GPR158: variants seen among roughly 807,000 people sequenced by gnomAD.
GPR158 encodes metabotropic glycine receptor.
A neutral mutation model predicts 78.2 loss-of-function variants in GPR158; 30 were observed. The observed-to-expected ratio is 0.38, with a 90% confidence interval of 0.29 to 0.52. The LOEUF is 0.52. GPR158 is among the 20% of genes least tolerant of loss of function. The pLI is 0.83. For missense variants in GPR158, 1,463 were observed against 1,523.5 expected, an observed-to-expected ratio of 0.96 and a Z score of 0.66; for synonymous variants, 581 against 591.1, an observed-to-expected ratio of 0.98 and a Z score of 0.25.
At chr10:25,281,630 T>C (rs551367442) in intron 2 of GPR158, among the ~76,000 whole-genome samples, 24 of 150,552 alleles carry the variant, frequency 1.6e-4, no homozygotes, top group African/African-American at 5.7e-4. Flanking sequence ...TATCAAAAAT[T>C]TGGGATGTAA....
intron 2 of GPR158, among the ~76,000 whole-genome samples, chr10:25,386,794 T>C (rs1302048121): frequency 6.6e-6 from 1 of 152,168 alleles, no homozygotes; most frequent in Non-Finnish European, 1.5e-5. Context: ...AAACAACCAA[T>C]TTTGGCATGT....
intron 4 of GPR158, among the ~76,000 whole-genome samples, chr10:25,413,800 T>A (rs1834625245): frequency 6.6e-6 from 1 of 152,200 alleles, no homozygotes; most frequent in African/African-American, 2.4e-5. Context: ...ACAGTTTCAT[T>A]AGCAGAAGAA....
At chr10:25,400,344 C>T (rs1270329493) in intron 3 of GPR158, among the ~76,000 whole-genome samples, 3 of 152,134 alleles carry the variant, frequency 2.0e-5, no homozygotes, top group East Asian at 3.9e-4. Context: ...GGAGCTAAGA[C>T]GTGGTGCTGA....
chr10:25,455,428 C>T (rs148607895), intron 4 of GPR158, among the ~76,000 whole-genome samples: 1,761 of 152,038 alleles, frequency 0.012, 38 homozygotes, highest in African/African-American at 0.041. Context: ...ATAACATTGC[C>T]TTAATTTTTC....
At chr10:25,179,146 T>C (rs1400870139) in intron 1 of GPR158, among the ~76,000 whole-genome samples, 1 of 152,148 alleles carries the variant, frequency 6.6e-6, no homozygotes, top group Non-Finnish European at 1.5e-5. Flanking sequence ...AAGGAAAAGG[T>C]TTTTTGTTGA....
At chr10:25,350,567 A>T (rs1267505409) in intron 2 of GPR158, among the ~76,000 whole-genome samples, 3 of 152,022 alleles carry the variant, frequency 2.0e-5, no homozygotes, top group African/African-American at 7.2e-5. Flanking sequence ...TTTTAAAAGG[A>T]TTGTCAGGAT....
At chr10:25,432,490 A>G (rs1248657361) in intron 4 of GPR158, among the ~76,000 whole-genome samples, 1 of 152,216 alleles carries the variant, frequency 6.6e-6, no homozygotes, top group Non-Finnish European at 1.5e-5. Context: ...ATGTACATAT[A>G]CTTATAGCAC....
chr10:25,436,597 T>C (rs976121251), intron 4 of GPR158, among the ~76,000 whole-genome samples: 4 of 152,180 alleles, frequency 2.6e-5, no homozygotes, highest in Admixed American at 1.3e-4. Context: ...TGCTACAGAA[T>C]TTTTAAAAAG....
chr10:25,473,142 T>G (rs1835532741), intron 5 of GPR158, among the ~76,000 whole-genome samples: 1 of 151,904 alleles, frequency 6.6e-6, no homozygotes, highest in Non-Finnish European at 1.5e-5. Flanking sequence ...AATACCTAAT[T>G]TATTGAGAGT....
chr10:25,306,247 C>T (rs1434567291), intron 2 of GPR158, among the ~76,000 whole-genome samples: 1 of 152,150 alleles, frequency 6.6e-6, no homozygotes, highest in African/African-American at 2.4e-5. Context: ...TTATTTATCT[C>T]TTGATTGGCT....
intron 4 of GPR158, among the ~76,000 whole-genome samples, chr10:25,422,487 C>CA (rs1487973918): frequency 6.6e-6 from 1 of 152,100 alleles, no homozygotes; most frequent in Non-Finnish European, 1.5e-5. Context: ...CACCTCTGTC[C>CA]ATGGAAAAAT....
chr10:25,300,584 T>TA (rs5783920), intron 2 of GPR158, among the ~76,000 whole-genome samples: 139,272 of 152,152 alleles, frequency 0.92, 64,564 homozygotes, highest in African/African-American at 0.98. Context: ...TATTCTTAAG[T>TA]ACTCTTTTTC....
At chr10:25,404,879 T>A (rs1834491128) in intron 3 of GPR158, among the ~76,000 whole-genome samples, 1 of 152,072 alleles carries the variant, frequency 6.6e-6, no homozygotes, top group African/African-American at 2.4e-5. Flanking sequence ...AAGCTCTCCA[T>A]GTTGATGTGG....
At chr10:25,189,662 G>A (rs111750589) in intron 1 of GPR158, among the ~76,000 whole-genome samples, 29 of 152,106 alleles carry the variant, frequency 1.9e-4, no homozygotes, top group African/African-American at 6.8e-4. Context: ...GGGAGGGATA[G>A]CATTAGGAGA....
At position 25,175,843 on chromosome 10, in the gene GPR158, G is replaced by A. The variant is rs1205594972; in HGVS notation, c.423G>A (p.Gln141=). The A allele has an allele frequency of 1.2e-6, 2 of 1,613,508 alleles. No homozygotes were observed. The highest frequency in any genetic ancestry group is 2.2e-5 in the East Asian group (1 of 44,890). Residue 141 remains glutamine, a synonymous_variant, in exon 1 of 11, where the codon CAG becomes CAA. Coordinates refer to ENST00000376351, the MANE Select transcript of GPR158 (RefSeq NM_020752.3). This position sits in a 1 kb window ranked among gnomAD's most constrained non-coding sequence, Gnocchi z 6.4. ...CCAACTTCCTCAACGTGATGCTGCAGAGCAATAAGTCGCGGGAGCAGAACT... is the reference window on the plus strand; with the variant it reads ...CCAACTTCCTCAACGTGATGCTGCAAAGCAATAAGTCGCGGGAGCAGAACT... ...HATNFLNVML[Q]SNKSREQNLQ... is the part of the protein sequence containing the mutation.
chr10:25,364,862 A>G (rs928509553), intron 2 of GPR158, among the ~76,000 whole-genome samples: 1 of 151,826 alleles, frequency 6.6e-6, no homozygotes, highest in Non-Finnish European at 1.5e-5. Flanking sequence ...GATTTAGAGT[A>G]GCAGACAAGG....
chr10:25,454,091 AT>A (rs1835259656), intron 4 of GPR158, among the ~76,000 whole-genome samples: 1 of 151,950 alleles, frequency 6.6e-6, no homozygotes, highest in South Asian at 2.1e-4. Context: ...TTGTGTTTTA[AT>A]TTCTTTCATC....
chr10:25,305,948 A>G (rs1020481160), intron 2 of GPR158, among the ~76,000 whole-genome samples: 1 of 152,226 alleles, frequency 6.6e-6, no homozygotes, highest in African/African-American at 2.4e-5. Context: ...ACAAGCAATT[A>G]AAAACATGGC....
At chr10:25,311,926 AT>A (rs1448216069) in intron 2 of GPR158, among the ~76,000 whole-genome samples, 2 of 151,988 alleles carry the variant, frequency 1.3e-5, no homozygotes, top group African/African-American at 4.8e-5. Flanking sequence ...ATGGTTGTAC[AT>A]TTTGTATAAA....
Sources: gnomAD v4.1 joint callset for allele counts (sites outside exome capture counted in the v4.1 genomes callset) on GRCh38, gnomAD v4.1.1 for gene constraint, Gnocchi (gnomAD v3.1) non-coding constraint, MANE v1.5 for transcripts, NCBI Gene and HGNC (gene_info 2026-07-23, HGNC 2026-07-21) for gene names.